The following MXD1 variants were observed in gnomAD, a reference collection of about 807,000 sequenced individuals.
MXD1 encodes MAX dimerization protein 1.
In MXD1, 9 loss-of-function variants were observed where a neutral mutation model predicts 25.7. The ratio of observed to expected loss-of-function variants is 0.35; its 90% confidence interval spans 0.21 to 0.61. The LOEUF is 0.61. Ranked by LOEUF, MXD1 falls within the 20% of genes least tolerant of loss-of-function variation. MXD1 has a pLI of 0.75. For synonymous variants in MXD1, 99 were observed against 113.9 expected (o/e 0.87, Z 0.83); for missense variants, 227 against 292.4 (o/e 0.78, Z 1.63).
At chr2:69,928,638 GGGA>G (rs1677216467) in intron 3 of MXD1, among the ~76,000 whole-genome samples, 1 of 151,722 alleles carries the variant, frequency 6.6e-6, no homozygotes, top group South Asian at 2.1e-4. Context: ...AGGCCGAGGT[GGGA>G]GGATCAGTTG....
intron 3 of MXD1, among the ~76,000 whole-genome samples, chr2:69,928,234 C>T (rs1296130036): frequency 6.6e-6 from 1 of 152,072 alleles, no homozygotes; most frequent in Non-Finnish European, 1.5e-5. Context: ...GTAAGTCTGG[C>T]CCACACCAAG....
chr2:69,939,989 T>A lies in MXD1; in HGVS notation c.*1705T>A, dbSNP rs1677557772. On this transcript the variant is annotated 3_prime_UTR_variant, in exon 6 of 6. Coordinates refer to ENST00000264444, the MANE Select transcript of MXD1 (RefSeq NM_002357.4). ...AAAGCAAGATTACTTTTGTGTTTTT[T>A]AAAAAATGATTCTTTAATGTATTTT... 1 of 152,156 alleles carries A rather than the reference T, an allele frequency of 6.6e-6. No individual in the cohort carries two copies. Among genetic ancestry groups the A allele is most frequent in the Admixed American group, 6.5e-5 (1 of 15,276 alleles). The allele number at this position is 152,156 out of a possible 1,614,324, so 9.4% of individuals were successfully genotyped here.
chr2:69,923,787 C>T (rs959541800), intron 3 of MXD1, among the ~76,000 whole-genome samples: 7 of 152,212 alleles, frequency 4.6e-5, no homozygotes, highest in African/African-American at 1.7e-4. Flanking sequence ...TCAGTTGTGG[C>T]TTCTCTTTCT....
intron 3 of MXD1, among the ~76,000 whole-genome samples, chr2:69,929,122 G>T (rs555960946): frequency 8.0e-4 from 122 of 152,180 alleles, no homozygotes; most frequent in Middle Eastern, 6.8e-3. Context: ...CAAACTCCTG[G>T]CCTCAAGTGA....
chr2:69,927,938 G>A (rs1362967413), intron 3 of MXD1, among the ~76,000 whole-genome samples: 1 of 151,948 alleles, frequency 6.6e-6, no homozygotes, highest in Non-Finnish European at 1.5e-5. Flanking sequence ...TTTAGAAAAA[G>A]GAGGAAAGTA....
At chr2:69,918,086 G>C (rs1439581983) in intron 2 of MXD1, among the ~76,000 whole-genome samples, 1 of 152,162 alleles carries the variant, frequency 6.6e-6, no homozygotes, top group Non-Finnish European at 1.5e-5. Flanking sequence ...CTCCTTTTCT[G>C]AGGAACAAGC....
chr2:69,920,322 A>G (rs1677041995), intron 2 of MXD1, among the ~76,000 whole-genome samples: 1 of 152,208 alleles, frequency 6.6e-6, no homozygotes. Context: ...GATTGGTTTG[A>G]ATACATGAGG....
intron 3 of MXD1, among the ~76,000 whole-genome samples, chr2:69,932,350 C>A (rs113606061): frequency 6.5e-4 from 99 of 152,256 alleles, no homozygotes; most frequent in Middle Eastern, 3.4e-3. Flanking sequence ...TATGATAGAA[C>A]TGAGTCTACT....
At chr2:69,926,304 T>G (rs10496174) in intron 3 of MXD1, among the ~76,000 whole-genome samples, 79,121 of 151,604 alleles carry the variant, frequency 0.52, 22,254 homozygotes, top group African/African-American at 0.74. Flanking sequence ...GATCCATCTC[T>G]TCTTCCTGTG....
chr2:69,935,260 C>A, intron 3 of MXD1, 91 bp from the exon 4 acceptor site: 1 of 879,776 alleles, frequency 1.1e-6, no homozygotes, highest in South Asian at 1.4e-5. Flanking sequence ...AAGGCCTGGG[C>A]AACTTCACAC....
intron 2 of MXD1, among the ~76,000 whole-genome samples, chr2:69,918,989 A>G (rs6721891): frequency 0.54 from 81,116 of 151,508 alleles, 23,734 homozygotes; most frequent in African/African-American, 0.79. Flanking sequence ...CTAGCCATTA[A>G]GTACAAGTCC....
chr2:69,920,679 G>A (rs1011670010), intron 2 of MXD1, among the ~76,000 whole-genome samples: 3 of 152,198 alleles, frequency 2.0e-5, no homozygotes, highest in Non-Finnish European at 2.9e-5. Flanking sequence ...GAATTCATGA[G>A]CTGAACCAGG....
chr2:69,918,827 G>T (rs1443381629), intron 2 of MXD1, among the ~76,000 whole-genome samples: 1 of 152,102 alleles, frequency 6.6e-6, no homozygotes, highest in African/African-American at 2.4e-5. Context: ...TTGACACAAG[G>T]TATCAGTGTG....
rs1677571346 is a variant in MXD1, at chr2:69,940,498, CTTTG to C, written c.*2218_*2221del. 1 of 152,554 alleles carries C rather than the reference CTTTG, an allele frequency of 6.6e-6. No homozygotes were observed. Among genetic ancestry groups the C allele is most frequent in the Non-Finnish European group, 1.5e-5 (1 of 68,012 alleles). The allele number at this position is 152,554 out of a possible 1,614,324, so 9.5% of individuals were successfully genotyped here. ...GGAAGGGAACAAAATTTGTGTACTT[CTTTG>C]TTTAATTTAGAAATAAGGCATCCAA... On this transcript the variant is annotated 3_prime_UTR_variant, in exon 6 of 6. Coordinates refer to ENST00000264444, the MANE Select transcript of MXD1 (RefSeq NM_002357.4).
intron 3 of MXD1, among the ~76,000 whole-genome samples, chr2:69,926,420 C>T (rs1446035227): frequency 6.6e-6 from 1 of 152,028 alleles, no homozygotes; most frequent in East Asian, 1.9e-4. Flanking sequence ...TCCCCAACCC[C>T]TAAATTCTTT....
chr2:69,930,166 T>C (rs77097782), intron 3 of MXD1, among the ~76,000 whole-genome samples: 332 of 152,354 alleles, frequency 2.2e-3, no homozygotes, highest in African/African-American at 7.7e-3. Context: ...AATTTTCTTG[T>C]GTCTTTCAAC....
chr2:69,930,345 T>C (rs936574574), intron 3 of MXD1, among the ~76,000 whole-genome samples: 2 of 152,110 alleles, frequency 1.3e-5, no homozygotes, highest in African/African-American at 2.4e-5. Context: ...CCTTTGGCCA[T>C]TGCAGTCGAG....
chr2:69,934,987 G>A (rs1677386738), intron 3 of MXD1, among the ~76,000 whole-genome samples: 1 of 152,108 alleles, frequency 6.6e-6, no homozygotes, highest in African/African-American at 2.4e-5. Flanking sequence ...AGTCTAATAT[G>A]CATTTAATAC....
intron 3 of MXD1, among the ~76,000 whole-genome samples, chr2:69,931,968 T>A (rs1355713769): frequency 2.0e-5 from 3 of 152,054 alleles, no homozygotes; most frequent in Non-Finnish European, 4.4e-5. Context: ...GAAGATGTGA[T>A]GGGAGGAGAG....
Sources: allele counts gnomAD v4.1 joint callset (sites outside exome capture counted in the v4.1 genomes callset), GRCh38; gene constraint gnomAD v4.1.1; transcripts MANE v1.5; gene names NCBI Gene and HGNC (gene_info 2026-07-23, HGNC 2026-07-21).